Variants in ATE1 observed in about 807,000 individuals in gnomAD.
The protein encoded by ATE1 is arginyltransferase 1, also known as arginyl-tRNA--protein transferase 1.
In ATE1, 36 loss-of-function variants were observed where a neutral mutation model predicts 70.5. That is an observed-to-expected ratio of 0.51 (90% confidence interval 0.39 to 0.67). The LOEUF (loss-of-function observed/expected upper bound fraction) is 0.67. Ranked by LOEUF, ATE1 falls within the 30% of genes least tolerant of loss-of-function variation. The probability of loss-of-function intolerance (pLI) is 0.00; values close to 1 mark genes in which losing one functional copy is unlikely to be tolerated. For synonymous variants in ATE1, 232 were observed against 219.3 expected (o/e 1.06, Z -0.51); for missense variants, 593 against 629.5 (o/e 0.94, Z 0.62).
At chr10:121,851,581 T>C (rs185165649) in intron 8 of ATE1, among the ~76,000 whole-genome samples, 2,369 of 115,104 alleles carry the variant, frequency 0.021, 53 homozygotes, top group African/African-American at 0.061. Context: ...TTTGTTTTTG[T>C]TTTGTTTTGT....
chr10:121,760,256 A>C (rs1334067941), intron 11 of ATE1, among the ~76,000 whole-genome samples: 1 of 152,258 alleles, frequency 6.6e-6, no homozygotes, highest in Non-Finnish European at 1.5e-5. Flanking sequence ...TTCAAGTCTT[A>C]CTAGTTAAGA....
intron 10 of ATE1, among the ~76,000 whole-genome samples, chr10:121,805,900 G>C (rs527625906): frequency 3.3e-5 from 5 of 152,222 alleles, no homozygotes; most frequent in East Asian, 3.9e-4. Flanking sequence ...CTTTACAGTG[G>C]AGAGTCTGGT....
rs192702546 is a variant in ATE1, at chr10:121,863,476, C to T, written c.975+6530G>A. Among the ~76,000 whole-genome samples, 1,073 of 152,220 alleles carry T rather than the reference C, an allele frequency of 7.0e-3. 25 individuals are homozygous for T. The highest frequency in any genetic ancestry group is 0.024 in the African/African-American group (1,015 of 41,510). ...CCATATTGGCCAGGCTGGTCTTGAA[C>T]TCCTGACCTTGTGATCCACCTGCCT... On this transcript the variant is annotated intron_variant, in intron 8 of 11. Transcript: ENST00000224652.
chr10:121,792,608 A>C (rs1946500605), intron 10 of ATE1, among the ~76,000 whole-genome samples: 1 of 152,214 alleles, frequency 6.6e-6, no homozygotes, highest in Non-Finnish European at 1.5e-5. Flanking sequence ...TTTACTTAGG[A>C]AGTGTAATAA....
chr10:121,874,176 T>A (rs1053185614), intron 7 of ATE1, among the ~76,000 whole-genome samples: 1 of 152,170 alleles, frequency 6.6e-6, no homozygotes, highest in African/African-American at 2.4e-5. Context: ...AATACTAAAT[T>A]CTATCAGGAA....
chr10:121,877,912 T>C (rs1396173300), intron 7 of ATE1, among the ~76,000 whole-genome samples: 1 of 152,190 alleles, frequency 6.6e-6, no homozygotes, highest in African/African-American at 2.4e-5. Flanking sequence ...TAGTGTTATG[T>C]CCATCAAAAG....
At chr10:121,795,570 G>C (rs925006818) in intron 10 of ATE1, among the ~76,000 whole-genome samples, 1 of 152,120 alleles carries the variant, frequency 6.6e-6, no homozygotes, top group Non-Finnish European at 1.5e-5. Context: ...GACCATAAAT[G>C]CATACATTTT....
rs1464672809 is a variant in ATE1 at position 121,902,622 on chromosome 10, T to TA, written c.584-3dup. 6.3e-7 allele frequency: 1 copy of TA among 1,589,932 alleles called. No individual in the cohort carries two copies. The highest frequency in any genetic ancestry group is 1.8e-5 in the Admixed American group (1 of 55,282). ...GCTTACTCAAATCAGCCCCTTTGCC[T>TA]AAAAAGAATTTTAAAATATTAGACC... On this transcript the variant is annotated splice_region_variant and splice_polypyrimidine_tract_variant and intron_variant, in intron 5 of 11. Coordinates refer to ENST00000224652, the MANE Select transcript of ATE1 (RefSeq NM_001001976.3).
intron 8 of ATE1, among the ~76,000 whole-genome samples, chr10:121,843,898 A>T (rs796260687): frequency 1.3e-5 from 2 of 152,234 alleles, no homozygotes; most frequent in African/African-American, 4.8e-5. Context: ...AAAACACCAA[A>T]AGCACAATTC....
At chr10:121,890,283 AGAT>A (rs1237785255) in intron 7 of ATE1, among the ~76,000 whole-genome samples, 1 of 152,226 alleles carries the variant, frequency 6.6e-6, no homozygotes, top group Non-Finnish European at 1.5e-5. Flanking sequence ...ACTAAATAGT[AGAT>A]GATATTTACA....
At chr10:121,875,287 GT>G (rs1219951017) in intron 7 of ATE1, among the ~76,000 whole-genome samples, 22 of 138,344 alleles carry the variant, frequency 1.6e-4, no homozygotes, top group South Asian at 1.4e-3. Flanking sequence ...GGCCTTGAGG[GT>G]TTTTTTTTGG....
chr10:121,867,199 A>T (rs4256913), intron 8 of ATE1, among the ~76,000 whole-genome samples: 3 of 152,186 alleles, frequency 2.0e-5, no homozygotes, highest in African/African-American at 7.2e-5. Context: ...AGAATGGGAA[A>T]GCAATAAAAC....
chr10:121,846,260 T>G (rs1382563577), intron 8 of ATE1, among the ~76,000 whole-genome samples: 3 of 152,162 alleles, frequency 2.0e-5, no homozygotes, highest in Non-Finnish European at 2.9e-5. Flanking sequence ...CAGTACTGAC[T>G]TTATAATCCC....
intron 5 of ATE1, among the ~76,000 whole-genome samples, chr10:121,905,350 A>G (rs1258844448): frequency 6.6e-6 from 1 of 152,216 alleles, no homozygotes; most frequent in Admixed American, 6.5e-5. Flanking sequence ...TCTATACTGA[A>G]AATTACATTC....
At chr10:121,869,526 G>A (rs1338712940) in intron 8 of ATE1, among the ~76,000 whole-genome samples, 1 of 152,164 alleles carries the variant, frequency 6.6e-6, no homozygotes, top group Non-Finnish European at 1.5e-5. Context: ...ATATTGCCTT[G>A]CTATAACAGC....
intron 11 of ATE1, among the ~76,000 whole-genome samples, chr10:121,759,059 G>C (rs1394059843): frequency 1.3e-5 from 2 of 152,254 alleles, no homozygotes; most frequent in East Asian, 3.9e-4. Flanking sequence ...TTAAATTAAA[G>C]GCTAGAAATG....
intron 11 of ATE1, 143 bp from the exon 12 acceptor site, chr10:121,744,001 C>T: frequency 1.2e-6 from 1 of 860,238 alleles, no homozygotes; most frequent in Non-Finnish European, 1.7e-6. Flanking sequence ...CACCTCACTG[C>T]AACATCCACC....
At chr10:121,920,988 C>T (rs548657251) in intron 3 of ATE1, among the ~76,000 whole-genome samples, 10 of 148,854 alleles carry the variant, frequency 6.7e-5, no homozygotes, top group Admixed American at 2.0e-4. Flanking sequence ...TGCGAGACTC[C>T]GTCTCTTTAA....
intron 10 of ATE1, among the ~76,000 whole-genome samples, chr10:121,799,919 T>C (rs1220676662): frequency 6.6e-6 from 1 of 152,218 alleles, no homozygotes; most frequent in Non-Finnish European, 1.5e-5. Context: ...GAAAATTCCC[T>C]ATAACAATAC....
Sources: allele counts gnomAD v4.1 joint callset (sites outside exome capture counted in the v4.1 genomes callset), GRCh38; gene constraint gnomAD v4.1.1; transcripts MANE v1.5; gene names NCBI Gene and HGNC (gene_info 2026-07-23, HGNC 2026-07-21).